The following EYA2 variants were observed in gnomAD, a reference collection of about 807,000 sequenced individuals.
EYA2 encodes protein phosphatase EYA2.
Under a neutral mutation model 69.2 loss-of-function variants are expected in EYA2, and 31 were observed. That is an observed-to-expected ratio of 0.45 (90% CI 0.34 to 0.60). The LOEUF is 0.60. EYA2 is among the 20% of genes least tolerant of loss of function. The pLI is 0.02. For missense variants in EYA2, 622 were observed against 701.2 expected (o/e 0.89, Z 1.28); for synonymous variants, 257 against 279.4 (o/e 0.92, Z 0.80).
chr20:47,034,108 CAAGAT>C (rs1212294598), intron 5 of EYA2, among the ~76,000 whole-genome samples: 5 of 152,166 alleles, frequency 3.3e-5, no homozygotes, highest in South Asian at 2.1e-4. Flanking sequence ...TTCTTTTTAA[CAAGAT>C]GAGAGCAAAC....
chr20:47,156,131 T>C (rs8184533), intron 10 of EYA2, among the ~76,000 whole-genome samples: 1,674 of 6,348 alleles, frequency 0.26, 24 homozygotes, highest in East Asian at 0.38. Flanking sequence ...CACACACATA[T>C]ATATATATAT....
At chr20:47,176,035 G>A (rs1392144012) in intron 12 of EYA2, among the ~76,000 whole-genome samples, 4 of 151,704 alleles carry the variant, frequency 2.6e-5, no homozygotes, top group Non-Finnish European at 5.9e-5. Context: ...TCAGTGAGTG[G>A]AGGAAACAGA....
At chr20:47,146,560 A>G (rs558400443) in intron 10 of EYA2, among the ~76,000 whole-genome samples, 61 of 152,358 alleles carry the variant, frequency 4.0e-4, no homozygotes, top group Middle Eastern at 3.4e-3. Flanking sequence ...AGGGCACCTC[A>G]GCAGAATTGA....
rs942070101 is a variant in EYA2, at chr20:47,068,200, C to T, written c.416-3985C>T. Among the ~76,000 whole-genome samples the T allele has an allele frequency of 2.6e-5, 4 of 152,178 alleles. No individual in the cohort carries two copies. The South Asian group carries it at 8.3e-4, about 31-fold the overall frequency. Reference sequence around the variant, plus strand: ...TGTGAGGATTAAGTGCAGTTATATACAAAGTGCCTAATACAGTGCTTGGTG... The same window carrying T: ...TGTGAGGATTAAGTGCAGTTATATATAAAGTGCCTAATACAGTGCTTGGTG... On this transcript the variant is annotated intron_variant, in intron 5 of 15. Coordinates refer to ENST00000327619, the MANE Select transcript of EYA2 (RefSeq NM_005244.5).
chr20:46,987,916 G>GACTCTCTCTC (rs56288405), intron 1 of EYA2, among the ~76,000 whole-genome samples: 738 of 20,334 alleles, frequency 0.036, 260 homozygotes, highest in African/African-American at 0.039. Context: ...GACAGAGTAA[G>GACTCTCTCTC]TCTCTCTCTC....
At chr20:46,918,371 C>T (rs1012630190) in intron 1 of EYA2, among the ~76,000 whole-genome samples, 26 of 151,970 alleles carry the variant, frequency 1.7e-4, no homozygotes, top group African/African-American at 5.5e-4. Context: ...TGCAATGGCA[C>T]GATCTCGGCT....
At chr20:47,036,646 G>A (rs571766269) in intron 5 of EYA2, among the ~76,000 whole-genome samples, 2 of 152,334 alleles carry the variant, frequency 1.3e-5, no homozygotes, top group South Asian at 4.1e-4. Flanking sequence ...TCAGGCTTCA[G>A]TACAGCTTGG....
chr20:47,040,767 C>A (rs1365207502), intron 5 of EYA2, among the ~76,000 whole-genome samples: 1 of 152,184 alleles, frequency 6.6e-6, no homozygotes, highest in African/African-American at 2.4e-5. Context: ...GGCTGAAAGT[C>A]AATGCTGTTA....
At chr20:47,158,681 A>G (rs957874169) in intron 10 of EYA2, among the ~76,000 whole-genome samples, 10 of 152,006 alleles carry the variant, frequency 6.6e-5, no homozygotes, top group Admixed American at 2.0e-4. Context: ...GGGCTGGGCC[A>G]AGAACTATAT....
intron 5 of EYA2, among the ~76,000 whole-genome samples, chr20:47,019,254 A>G (rs766612038): frequency 1.2e-4 from 18 of 152,274 alleles, no homozygotes; most frequent in Middle Eastern, 3.4e-3. Context: ...GGAATCGTCC[A>G]GGTTATTTTC....
chr20:46,928,696 C>A (rs979201038), intron 1 of EYA2, among the ~76,000 whole-genome samples: 1 of 152,194 alleles, frequency 6.6e-6, no homozygotes, highest in Non-Finnish European at 1.5e-5. Flanking sequence ...CACACAGTGC[C>A]GGTGTGCAAA....
intron 1 of EYA2, among the ~76,000 whole-genome samples, chr20:46,983,201 G>T (rs1026148198): frequency 2.0e-5 from 3 of 152,056 alleles, no homozygotes; most frequent in African/African-American, 4.8e-5. Flanking sequence ...AATCTCGTGA[G>T]GTTTTTGTTT....
At chr20:47,070,524 T>C (rs2031275935) in intron 5 of EYA2, among the ~76,000 whole-genome samples, 1 of 152,258 alleles carries the variant, frequency 6.6e-6, no homozygotes, top group Non-Finnish European at 1.5e-5. Flanking sequence ...CACAACTCTG[T>C]AATTCTACTC....
intron 1 of EYA2, among the ~76,000 whole-genome samples, chr20:46,905,252 T>C (rs376134249): frequency 2.0e-5 from 3 of 152,044 alleles, no homozygotes; most frequent in Non-Finnish European, 2.9e-5. Context: ...AACTGAGACT[T>C]GGACAGATCG....
chr20:47,140,832 G>A (rs1246919897), intron 9 of EYA2, among the ~76,000 whole-genome samples: 1 of 152,136 alleles, frequency 6.6e-6, no homozygotes, highest in African/African-American at 2.4e-5. Flanking sequence ...GTTCAAGATT[G>A]GGTAGCTGTA....
chr20:47,128,531 A>G (rs1222092853), intron 9 of EYA2, among the ~76,000 whole-genome samples: 1 of 149,614 alleles, frequency 6.7e-6, no homozygotes, highest in East Asian at 1.9e-4. Context: ...GCATTTACGA[A>G]AAAAAAAAAA....
At chr20:47,027,772 G>A (rs752370308) in intron 5 of EYA2, among the ~76,000 whole-genome samples, 1 of 152,172 alleles carries the variant, frequency 6.6e-6, no homozygotes, top group Non-Finnish European at 1.5e-5. Context: ...CAACGTGATA[G>A]CCCCTAGCCA....
At chr20:46,935,346 T>C (rs1028127523) in intron 1 of EYA2, among the ~76,000 whole-genome samples, 4 of 152,246 alleles carry the variant, frequency 2.6e-5, no homozygotes, top group African/African-American at 9.6e-5. Flanking sequence ...CGCACCTCTC[T>C]GGGCCTCAGT....
chr20:47,121,135 C>T (rs2033033418), intron 9 of EYA2, among the ~76,000 whole-genome samples: 1 of 152,066 alleles, frequency 6.6e-6, no homozygotes, highest in Non-Finnish European at 1.5e-5. Context: ...TTCTCTGTTG[C>T]CCAGGTTGGA....
Sources: allele counts gnomAD v4.1 joint callset (sites outside exome capture counted in the v4.1 genomes callset), GRCh38; gene constraint gnomAD v4.1.1; transcripts MANE v1.5; gene names NCBI Gene and HGNC (gene_info 2026-07-23, HGNC 2026-07-21).